Variants in TDRD3 observed in about 807,000 individuals in gnomAD.
TDRD3 encodes tudor domain containing 3, also known as tudor domain-containing protein 3.
Under a neutral mutation model 86.7 loss-of-function variants are expected in TDRD3, and 45 were observed. That is an observed-to-expected ratio of 0.52 (90% CI 0.41 to 0.67). TDRD3 has a LOEUF of 0.67. Ranked by LOEUF, TDRD3 falls within the 30% of genes least tolerant of loss-of-function variation. The pLI, the probability that TDRD3 is intolerant of heterozygous loss-of-function variation, is 0.00. For synonymous variants in TDRD3, 298 were observed against 301.7 expected, an observed-to-expected ratio of 0.99 and a Z score of 0.13; for missense variants, 814 against 889.0, an observed-to-expected ratio of 0.92 and a Z score of 1.07.
At chr13:60,484,252 C>A (rs976941048) in intron 6 of TDRD3, among the ~76,000 whole-genome samples, 1 of 151,976 alleles carries the variant, frequency 6.6e-6, no homozygotes, top group African/African-American at 2.4e-5. Flanking sequence ...TTGAAGCAGC[C>A]CCCCTTCTGA....
intron 7 of TDRD3, among the ~76,000 whole-genome samples, chr13:60,488,560 G>C (rs1956501985): frequency 6.6e-6 from 1 of 151,876 alleles, no homozygotes. Context: ...TTTTAAATTG[G>C]ATTGTTTGGG....
intron 1 of TDRD3, among the ~76,000 whole-genome samples, chr13:60,417,948 A>G (rs1300418484): frequency 6.6e-6 from 1 of 152,002 alleles, no homozygotes; most frequent in Non-Finnish European, 1.5e-5. Context: ...ATATTTTTCT[A>G]CTTCAGGCCT....
intron 1 of TDRD3, among the ~76,000 whole-genome samples, chr13:60,403,781 G>A (rs892479572): frequency 1.3e-5 from 2 of 152,162 alleles, no homozygotes; most frequent in Admixed American, 6.5e-5. Context: ...GTGTGTGTAT[G>A]TACTTTTCAC....
At chr13:60,494,710 G>A in intron 8 of TDRD3, 135 bp downstream of exon 8, 2 of 698,052 alleles carry the variant, frequency 2.9e-6, no homozygotes, top group East Asian at 3.1e-5. Flanking sequence ...CTTTCATTAA[G>A]GATTACAATT....
intron 4 of TDRD3, among the ~76,000 whole-genome samples, chr13:60,461,492 A>G (rs544506627): frequency 6.6e-6 from 1 of 152,240 alleles, no homozygotes; most frequent in South Asian, 2.1e-4. Flanking sequence ...TTCACTAGAC[A>G]TTTGCAGCCC....
chr13:60,483,960 G>T (rs1956373333), intron 6 of TDRD3, 114 bp downstream of exon 6: 3 of 969,044 alleles, frequency 3.1e-6, no homozygotes, highest in Non-Finnish European at 4.5e-6. Context: ...GAGTTATTTG[G>T]AAATATGAAG....
At chr13:60,418,306 T>A (rs1399636134) in intron 1 of TDRD3, among the ~76,000 whole-genome samples, 1 of 152,120 alleles carries the variant, frequency 6.6e-6, no homozygotes, top group Non-Finnish European at 1.5e-5. Flanking sequence ...TCCATCATTT[T>A]AAAACATAAC....
intron 10 of TDRD3, among the ~76,000 whole-genome samples, chr13:60,523,534 C>T (rs1169356302): frequency 6.7e-6 from 1 of 149,520 alleles, no homozygotes; most frequent in African/African-American, 2.5e-5. Flanking sequence ...AGATCTTTTA[C>T]ATGTTTTCAC....
chr13:60,429,690 A>C (rs944675618), intron 1 of TDRD3, among the ~76,000 whole-genome samples: 1 of 152,150 alleles, frequency 6.6e-6, no homozygotes, highest in Non-Finnish European at 1.5e-5. Flanking sequence ...TTTAGTTCTC[A>C]GTGAACTCCA....
chr13:60,414,563 A>G (rs779308451), intron 1 of TDRD3, among the ~76,000 whole-genome samples: 22 of 152,150 alleles, frequency 1.4e-4, no homozygotes, highest in African/African-American at 3.4e-4. Context: ...AGTATATGCT[A>G]TTGGTACCAG....
At chr13:60,433,500 C>G (rs188844439) in intron 1 of TDRD3, among the ~76,000 whole-genome samples, 1 of 152,148 alleles carries the variant, frequency 6.6e-6, no homozygotes, top group Non-Finnish European at 1.5e-5. Context: ...CTAAAAGATA[C>G]TTGGTTCTTT....
chr13:60,454,244 T>C (rs1371252979), intron 3 of TDRD3, among the ~76,000 whole-genome samples: 1 of 152,168 alleles, frequency 6.6e-6, no homozygotes, highest in Non-Finnish European at 1.5e-5. Flanking sequence ...TGATATGTAT[T>C]GGTAAATGTC....
chr13:60,539,191 C>A (rs1428413518), intron 12 of TDRD3, among the ~76,000 whole-genome samples: 1 of 152,058 alleles, frequency 6.6e-6, no homozygotes, highest in Non-Finnish European at 1.5e-5. Flanking sequence ...ATTTATTCAA[C>A]AAATATTCAT....
At position 60,444,799 on chromosome 13, in the gene TDRD3, A is replaced by G. The variant is rs1185254715; in HGVS notation, c.192+51A>G. On this transcript the variant is annotated intron_variant, in intron 3 of 13. Coordinates refer to ENST00000377881, the MANE Select transcript of TDRD3 (RefSeq NM_001146070.2). The stretch of plus-strand genomic sequence containing the variant: ...ATTAATTAATTTAGTTACAATAAAT[A>G]TGAACTAAATTACTGGAATTACTTT... The G allele has an allele frequency of 5.7e-6, 6 of 1,059,636 alleles. No homozygotes were observed. In the South Asian group the frequency reaches 1.1e-4, roughly 19 times the overall value. 65.6% of individuals were successfully genotyped at this position (1,059,636 alleles called of 1,614,324 possible). A position where few individuals can be genotyped will look rare whatever the true frequency, so the allele number is the denominator to read the frequency against.
chr13:60,488,117 T>A (rs1956489849), intron 7 of TDRD3, among the ~76,000 whole-genome samples: 1 of 152,170 alleles, frequency 6.6e-6, no homozygotes, highest in Non-Finnish European at 1.5e-5. Flanking sequence ...AGGCTTTATT[T>A]GGGTGCTACA....
intron 12 of TDRD3, among the ~76,000 whole-genome samples, chr13:60,558,957 A>AT (rs1310457513): frequency 7.0e-6 from 1 of 142,318 alleles, no homozygotes; most frequent in African/African-American, 2.6e-5. Flanking sequence ...TTCCAAAGAC[A>AT]TTTTTGCTTT....
At chr13:60,547,755 A>G (rs1231857003) in intron 12 of TDRD3, among the ~76,000 whole-genome samples, 1 of 152,172 alleles carries the variant, frequency 6.6e-6, no homozygotes, top group African/African-American at 2.4e-5. Flanking sequence ...CCTCTGTCTG[A>G]TAAACAGTTA....
chr13:60,529,510 T>C (rs895189754), intron 11 of TDRD3, among the ~76,000 whole-genome samples: 2 of 152,178 alleles, frequency 1.3e-5, no homozygotes, highest in African/African-American at 2.4e-5. Flanking sequence ...ATTTTACTTA[T>C]CATCAACTGA....
At chr13:60,449,230 T>G (rs1260451554) in intron 3 of TDRD3, among the ~76,000 whole-genome samples, 3 of 152,268 alleles carry the variant, frequency 2.0e-5, no homozygotes, top group Middle Eastern at 3.4e-3. Context: ...ATATGTTTCC[T>G]ATATGTTAGT....
Sources: allele counts gnomAD v4.1 joint callset (sites outside exome capture counted in the v4.1 genomes callset), GRCh38; gene constraint gnomAD v4.1.1; transcripts MANE v1.5; gene names NCBI Gene and HGNC (gene_info 2026-07-23, HGNC 2026-07-21).